DCC: variants seen among roughly 807,000 people sequenced by gnomAD.
The protein encoded by DCC is DCC netrin 1 receptor.
A neutral mutation model predicts 172.5 loss-of-function variants in DCC; 58 were observed. The observed-to-expected ratio is 0.34, with a 90% CI of 0.27 to 0.42. DCC has a LOEUF of 0.42. Among genes scored for constraint, DCC ranks in the 10% least tolerant of loss-of-function variants. DCC has a pLI of 1.00. For missense variants in DCC, 1,740 were observed against 1,791.0 expected (o/e 0.97, Z 0.51); for synonymous variants, 709 against 644.5 (o/e 1.10, Z -1.52).
intron 7 of DCC, among the ~76,000 whole-genome samples, chr18:53,153,121 A>T (rs565514882): frequency 1.1e-3 from 162 of 152,308 alleles, no homozygotes; most frequent in African/African-American, 3.7e-3. Context: ...TGGAGGAAAA[A>T]GATTGGAAAA....
intron 1 of DCC, among the ~76,000 whole-genome samples, chr18:52,553,426 G>C (rs2032829669): frequency 6.6e-6 from 1 of 152,058 alleles, no homozygotes; most frequent in Admixed American, 6.6e-5. Context: ...GGAGGGTGAA[G>C]TGGTATAAGT....
chr18:52,479,285 G>A (rs572755771), intron 1 of DCC, among the ~76,000 whole-genome samples: 1 of 152,182 alleles, frequency 6.6e-6, no homozygotes, highest in East Asian at 1.9e-4. Flanking sequence ...TATTTCTAAA[G>A]TGACCTTTTG....
chr18:53,492,147 T>A (rs1048371238), intron 26 of DCC, among the ~76,000 whole-genome samples: 7 of 151,306 alleles, frequency 4.6e-5, no homozygotes, highest in Non-Finnish European at 8.8e-5. Flanking sequence ...TTGCCCACTT[T>A]TTGATGGGAT....
intron 2 of DCC, among the ~76,000 whole-genome samples, chr18:52,794,655 C>T (rs1218543533): frequency 6.6e-6 from 1 of 151,960 alleles, no homozygotes; most frequent in Non-Finnish European, 1.5e-5. Context: ...GCTGTGCTAG[C>T]ACTTCCAGTA....
chr18:53,352,575 A>G (rs1409955551), intron 15 of DCC, among the ~76,000 whole-genome samples: 1 of 152,162 alleles, frequency 6.6e-6, no homozygotes, highest in African/African-American at 2.4e-5. Flanking sequence ...TATAATGGGT[A>G]CATATATTCA....
intron 25 of DCC, among the ~76,000 whole-genome samples, chr18:53,485,761 A>G (rs113950894): frequency 3.3e-5 from 5 of 152,032 alleles, no homozygotes; most frequent in Non-Finnish European, 5.9e-5. Context: ...AAAGAAATCT[A>G]TATGTTGCTT....
Position 53,519,083 on chromosome 18 carries a change from T to C in DCC, c.4112-7534T>C, listed in dbSNP as rs184747587. ...AATGGATCAACTAATTCTTCCTAAG[T>C]CTTAAGGAGAGGCAAGAAATCCAAA... On this transcript the variant is annotated intron_variant, in intron 27 of 28. Transcript: ENST00000442544. Among the ~76,000 whole-genome samples the C allele has an allele frequency of 1.9e-3, 295 of 152,276 alleles. 1 individual carries two copies. Among genetic ancestry groups the C allele is most frequent in the African/African-American group, 6.7e-3 (280 of 41,570 alleles).
At chr18:52,798,742 T>C (rs1444134669) in intron 2 of DCC, among the ~76,000 whole-genome samples, 1 of 125,994 alleles carries the variant, frequency 7.9e-6, no homozygotes, top group Non-Finnish European at 1.6e-5. Context: ...AAACCATTCG[T>C]ATGAAGTTTT....
At chr18:52,953,000 CAAAAAAAAAAAAAA>C (rs11315976) in intron 5 of DCC, among the ~76,000 whole-genome samples, 5 of 52,218 alleles carry the variant, frequency 9.6e-5, no homozygotes, top group Admixed American at 3.4e-4. Context: ...TCTCCTGTCT[CAAAAAAAAAAAAAA>C]AAAAAAAAAA....
At chr18:53,406,479 A>C (rs1036533393) in intron 19 of DCC, among the ~76,000 whole-genome samples, 12 of 152,074 alleles carry the variant, frequency 7.9e-5, no homozygotes, top group Middle Eastern at 3.4e-3. Context: ...CCAAGGTGGG[A>C]GGATCACCTG....
At chr18:53,200,719 T>A (rs1372398860) in intron 9 of DCC, among the ~76,000 whole-genome samples, 1 of 152,146 alleles carries the variant, frequency 6.6e-6, no homozygotes, top group Non-Finnish European at 1.5e-5. Context: ...CATATCTGTT[T>A]CCCAGAAGTT....
At chr18:52,895,794 G>C (rs1204889584) in intron 2 of DCC, among the ~76,000 whole-genome samples, 1 of 151,826 alleles carries the variant, frequency 6.6e-6, no homozygotes, top group Admixed American at 6.6e-5. Flanking sequence ...TGGTTTTTTT[G>C]TTTGTTTTGG....
rs994808348 is a variant in DCC at position 53,402,954 on chromosome 18, C to T, written c.2935+61C>T. 20 of 1,163,698 alleles carry T rather than the reference C, an allele frequency of 1.7e-5. No homozygotes were observed. The East Asian group carries it at 4.4e-4, about 26-fold the overall frequency. The allele number at this position is 1,163,698 out of a possible 1,614,324, so 72.1% of individuals were successfully genotyped here. On this transcript the variant is annotated intron_variant, in intron 19 of 28. Coordinates refer to ENST00000442544, the MANE Select transcript of DCC (RefSeq NM_005215.4). Reference sequence around the variant, plus strand: ...CCCTTGTCCTATAATTGCTTACCCCCTACATGAGCTGCTCCTGCCTTTCGT... The same window carrying T: ...CCCTTGTCCTATAATTGCTTACCCCTTACATGAGCTGCTCCTGCCTTTCGT...
At position 52,915,534 on chromosome 18, in the gene DCC, A is replaced by C. The variant is rs576086875; in HGVS notation, c.698-8173A>C. Among the ~76,000 whole-genome samples the C allele has an allele frequency of 2.6e-5, 4 of 152,288 alleles. No homozygotes were observed. In the South Asian group the frequency reaches 6.2e-4, roughly 24 times the overall value. ...TAAAAAGGAAATATTCTCTTCCTTT[A>C]ATACATCTTCCCTTCTTTAGGGCAT... On this transcript the variant is annotated intron_variant, in intron 3 of 28. Coordinates refer to ENST00000442544, the MANE Select transcript of DCC (RefSeq NM_005215.4).
chr18:52,880,872 T>TA, intron 2 of DCC, among the ~76,000 whole-genome samples: 1 of 152,300 alleles, frequency 6.6e-6, no homozygotes, highest in East Asian at 1.9e-4. Flanking sequence ...TTTAGGTATA[T>TA]ATGCAGTAGT....
At chr18:52,386,476 AT>A (rs1985804480) in intron 1 of DCC, among the ~76,000 whole-genome samples, 1 of 151,984 alleles carries the variant, frequency 6.6e-6, no homozygotes, top group South Asian at 2.1e-4. Context: ...CTAGTCATTT[AT>A]TTTCATTCCT....
chr18:52,892,145 TA>T (rs1755803081), intron 2 of DCC, among the ~76,000 whole-genome samples: 1 of 152,082 alleles, frequency 6.6e-6, no homozygotes, highest in African/African-American at 2.4e-5. Context: ...ATCTTTTAAA[TA>T]AATACTTCTT....
At position 52,503,771 on chromosome 18, in the gene DCC, G is replaced by A. The variant is rs185135454; in HGVS notation, c.91+162893G>A. Among the ~76,000 whole-genome samples, 308 of 152,042 alleles carry A rather than the reference G, an allele frequency of 2.0e-3. 5 individuals are homozygous for A. Among genetic ancestry groups the A allele is most frequent in the African/African-American group, 7.4e-3 (305 of 41,472 alleles). ...GAACCCTCTTGTTTCACCCAGGTTG[G>A]GTGTCTCATTTCTGTCACTTATGGT... is the stretch of plus-strand genomic sequence containing the variant. On this transcript the variant is annotated intron_variant, in intron 1 of 28. Transcript: ENST00000442544.
intron 1 of DCC, among the ~76,000 whole-genome samples, chr18:52,700,919 T>C (rs1220500232): frequency 6.6e-6 from 1 of 152,232 alleles, no homozygotes; most frequent in African/African-American, 2.4e-5. Context: ...AAGTACAAAA[T>C]TTCCTATTGC....
Sources: allele counts gnomAD v4.1 joint callset (sites outside exome capture counted in the v4.1 genomes callset), GRCh38; gene constraint gnomAD v4.1.1; transcripts MANE v1.5; gene names NCBI Gene and HGNC (gene_info 2026-07-23, HGNC 2026-07-21).